Variants in PIWIL4 observed in about 807,000 individuals in gnomAD.
The protein encoded by PIWIL4 is piwi-like protein 4.
In PIWIL4, 50 loss-of-function variants were observed where a neutral mutation model predicts 100.9. The observed-to-expected ratio is 0.50, with a 90% CI of 0.39 to 0.63. The LOEUF (loss-of-function observed/expected upper bound fraction) is 0.63. Ranked by LOEUF, PIWIL4 falls within the 20% of genes least tolerant of loss-of-function variation. PIWIL4 has a pLI of 0.00. For synonymous variants in PIWIL4, 342 were observed against 367.5 expected, an observed-to-expected ratio of 0.93 and a Z score of 0.79; for missense variants, 887 against 1,043.3, an observed-to-expected ratio of 0.85 and a Z score of 2.06.
rs1254309504 is a variant in PIWIL4 at position 94,575,069 on chromosome 11, C to T, written c.237C>T (p.Asp79=). The T allele has an allele frequency of 6.2e-7, 1 of 1,613,714 alleles. No homozygotes were observed. The highest frequency in any genetic ancestry group is 1.7e-5 in the Admixed American group (1 of 59,980). The change falls in exon 3 of 20, where the codon GAC becomes GAT. Residue 79 remains aspartate, a synonymous_variant. Coordinates refer to ENST00000299001, the MANE Select transcript of PIWIL4 (RefSeq NM_152431.3). ...FMERGVKNKQ[D]FMDLSICTRE... ...AAAGAGGTGTGAAAAACAAACAGGA[C>T]TTTATGGATTTGAGTATCTGTACCA...
At chr11:94,567,857 T>A in intron 1 of PIWIL4, 1 of 1,059,568 alleles carries the variant, frequency 9.4e-7, no homozygotes, top group Non-Finnish European at 1.2e-6. Flanking sequence ...TATGTCATTC[T>A]CTTCTACTTT....
At chr11:94,571,434 C>A (rs1052940385) in intron 2 of PIWIL4, among the ~76,000 whole-genome samples, 1 of 152,144 alleles carries the variant, frequency 6.6e-6, no homozygotes, top group East Asian at 1.9e-4. Flanking sequence ...ATCCCTGCCC[C>A]CTTCACCCAC....
intron 13 of PIWIL4, among the ~76,000 whole-genome samples, chr11:94,605,738 A>G (rs1251810452): frequency 6.6e-6 from 1 of 152,072 alleles, no homozygotes; most frequent in Non-Finnish European, 1.5e-5. Context: ...TCTTCTCCCC[A>G]TTTATTCGTT....
chr11:94,606,568 G>A (rs947158415), intron 13 of PIWIL4, among the ~76,000 whole-genome samples: 6 of 152,146 alleles, frequency 3.9e-5, no homozygotes, highest in African/African-American at 1.4e-4. Context: ...GGTGGCTCAC[G>A]CCTGTAATCC....
In PIWIL4 at chr11:94,577,355, T is replaced by C; in HGVS notation, c.376T>C (p.Tyr126His). ...TCCCCAAGACTGGCAGCTATACCAGTACCATGTGACATATATTCCAGATTT... is the reference window on the plus strand; with the variant it reads ...TCCCCAAGACTGGCAGCTATACCAGCACCATGTGACATATATTCCAGATTT... ...DFPQDWQLYQ[Y>H]HVTYIPDLAS... The change falls in exon 4 of 20, where the codon TAC (tyrosine) becomes CAC (histidine). Residue 126 changes from tyrosine (Y) to histidine (H), a missense_variant. Tyr to His is a moderately conservative substitution (Grantham distance 83, BLOSUM62 2). Transcript: ENST00000299001. The C allele has an allele frequency of 6.2e-7, 1 of 1,614,054 alleles. No individual in the cohort carries two copies. Among genetic ancestry groups the C allele is most frequent in the Non-Finnish European group, 8.5e-7 (1 of 1,179,928 alleles).
chr11:94,608,901 G>T (rs562516299), intron 15 of PIWIL4, among the ~76,000 whole-genome samples: 1 of 152,148 alleles, frequency 6.6e-6, no homozygotes, highest in Non-Finnish European at 1.5e-5. Context: ...ATTCATTAGG[G>T]TGAGCTATTG....
chr11:94,593,505 T>A lies in PIWIL4; in HGVS notation c.1027-13T>A. On this transcript the variant is annotated splice_polypyrimidine_tract_variant and intron_variant, in intron 8 of 19. Coordinates refer to ENST00000299001, the MANE Select transcript of PIWIL4 (RefSeq NM_152431.3). ...CATGTTAACTTTTTACTTATTAATC[T>A]TGCATTTTATAGCAGTATGATATTA... is the stretch of plus-strand genomic sequence containing the variant. 1 of 1,610,590 alleles carries A rather than the reference T, an allele frequency of 6.2e-7. No homozygotes were observed. Among genetic ancestry groups the A allele is most frequent in the Non-Finnish European group, 8.5e-7 (1 of 1,178,302 alleles).
At chr11:94,586,031 T>C (rs890304566) in intron 6 of PIWIL4, among the ~76,000 whole-genome samples, 10 of 152,132 alleles carry the variant, frequency 6.6e-5, no homozygotes, top group African/African-American at 2.4e-4. Context: ...TCAAAAATAC[T>C]GTGGTCAAAC....
intron 9 of PIWIL4, among the ~76,000 whole-genome samples, chr11:94,593,973 T>C (rs1057104018): frequency 6.6e-6 from 1 of 152,192 alleles, no homozygotes; most frequent in Admixed American, 6.5e-5. Context: ...GGTGCCAGAA[T>C]GATCCATACT....
intron 2 of PIWIL4, among the ~76,000 whole-genome samples, chr11:94,570,999 G>A (rs1948144063): frequency 6.6e-6 from 1 of 152,116 alleles, no homozygotes; most frequent in African/African-American, 2.4e-5. Flanking sequence ...TAATAAATGT[G>A]GAAGCTCTAA....
chr11:94,616,399 C>A (rs1948847019), intron 15 of PIWIL4, 94 bp from the exon 16 acceptor site: 2 of 1,097,804 alleles, frequency 1.8e-6, no homozygotes, highest in Non-Finnish European at 2.6e-6. Flanking sequence ...TTGATTTTTA[C>A]TCATAATCTC....
At chr11:94,619,928 G>T (rs758123389) in intron 18 of PIWIL4, 43 bp downstream of exon 18, 3 of 1,613,944 alleles carry the variant, frequency 1.9e-6, no homozygotes, top group African/African-American at 2.7e-5. Flanking sequence ...AACATTCATT[G>T]CGTCCAGTTT....
intron 8 of PIWIL4, 32 bp downstream of exon 8, chr11:94,589,264 T>G (rs762482661): frequency 5.3e-6 from 8 of 1,518,626 alleles, no homozygotes; most frequent in Non-Finnish European, 5.5e-6. Flanking sequence ...CTCTATCTCC[T>G]TTTCTTTTAC....
chr11:94,578,521 A>G (rs755403575), intron 4 of PIWIL4, among the ~76,000 whole-genome samples: 2 of 152,278 alleles, frequency 1.3e-5, no homozygotes, highest in Admixed American at 6.5e-5. Context: ...CATCTTCAAC[A>G]TTGTCTCATC....
At chr11:94,584,933 G>T (rs552843968) in intron 5 of PIWIL4, among the ~76,000 whole-genome samples, 1 of 152,178 alleles carries the variant, frequency 6.6e-6, no homozygotes, top group Non-Finnish European at 1.5e-5. Flanking sequence ...GCGTGGTGGC[G>T]CTCTTGCCTG....
intron 16 of PIWIL4, 26 bp from the exon 17 acceptor site, chr11:94,617,923 ATTCTT>A: frequency 1.2e-6 from 2 of 1,606,236 alleles, no homozygotes; most frequent in Non-Finnish European, 1.7e-6. Context: ...TAGAAAAGTA[ATTCTT>A]TTCTTACTGA....
In PIWIL4 at chr11:94,568,954, G is replaced by T; in HGVS notation, c.166+146G>T. The T allele has an allele frequency of 2.9e-6, 2 of 694,260 alleles. 1 individual carries two copies. The highest frequency in any genetic ancestry group is 4.0e-5 in the South Asian group (2 of 49,574). The allele number at this position is 694,260 out of a possible 1,614,324, so 43.0% of individuals were successfully genotyped here. ...GATCCCCTTTGTCATGTTCCTTTGG[G>T]ACTCTTTAACATAGAAGCACGTGCT... is the stretch of plus-strand genomic sequence containing the variant. On this transcript the variant is annotated intron_variant, in intron 2 of 19. Transcript: ENST00000299001.
chr11:94,595,466 T>G, intron 10 of PIWIL4, 40 bp downstream of exon 10: 1 of 1,507,598 alleles, frequency 6.6e-7, no homozygotes, highest in Non-Finnish European at 9.2e-7. Context: ...GGGCTGAGTT[T>G]TTAGTATTAG....
At chr11:94,575,227 C>T in intron 3 of PIWIL4, 97 bp downstream of exon 3, 1 of 1,263,752 alleles carries the variant, frequency 7.9e-7, no homozygotes, top group African/African-American at 1.5e-5. Flanking sequence ...CATATGTTTG[C>T]TTAACAGATA....
Sources: gnomAD v4.1 joint callset for allele counts (sites outside exome capture counted in the v4.1 genomes callset) on GRCh38, gnomAD v4.1.1 for gene constraint, MANE v1.5 for transcripts, NCBI Gene and HGNC (gene_info 2026-07-23, HGNC 2026-07-21) for gene names.